Variants in MPPED2 observed in about 807,000 individuals in gnomAD.
MPPED2 encodes the protein metallophosphoesterase MPPED2.
Under a neutral mutation model 33.0 loss-of-function variants are expected in MPPED2, and 5 were observed. That is an observed-to-expected ratio of 0.15 (90% CI 0.08 to 0.32). The LOEUF is 0.32. Among genes scored for constraint, MPPED2 ranks in the 10% least tolerant of loss-of-function variants. The pLI is 1.00. For missense variants in MPPED2, 275 were observed against 372.1 expected, an observed-to-expected ratio of 0.74 and a Z score of 2.15; for synonymous variants, 136 against 141.9, an observed-to-expected ratio of 0.96 and a Z score of 0.29.
At chr11:30,479,922 T>C (rs1382070437) in intron 4 of MPPED2, among the ~76,000 whole-genome samples, 4 of 152,200 alleles carry the variant, frequency 2.6e-5, no homozygotes, top group Non-Finnish European at 5.9e-5. Flanking sequence ...TAGGGCCTCT[T>C]TGGGGGAAGG....
intron 3 of MPPED2, among the ~76,000 whole-genome samples, chr11:30,499,098 A>G (rs2134231980): frequency 6.6e-6 from 1 of 152,214 alleles, no homozygotes; most frequent in East Asian, 1.9e-4. Context: ...AGCCATCACA[A>G]AATTTGTCCA....
chr11:30,580,508 A>C lies in MPPED2; in HGVS notation c.-121-14T>G. ...CGCTGTGCATTTCTGAAAGAAAAAA[A>C]AAATGTATATAAAATGAGAACAAAG... On this transcript the variant is annotated splice_polypyrimidine_tract_variant and intron_variant, in intron 1 of 6. Coordinates refer to ENST00000358117, the MANE Select transcript of MPPED2 (RefSeq NM_001584.3). 1 of 1,427,090 alleles carries C rather than the reference A, an allele frequency of 7.0e-7. No individual in the cohort carries two copies. Among genetic ancestry groups the C allele is most frequent in the Non-Finnish European group, 9.2e-7 (1 of 1,086,314 alleles). The allele number at this position is 1,427,090 out of a possible 1,614,324, so 88.4% of individuals were successfully genotyped here.
intron 2 of MPPED2, among the ~76,000 whole-genome samples, chr11:30,539,526 G>A (rs542284541): frequency 5.3e-5 from 8 of 152,236 alleles, no homozygotes; most frequent in African/African-American, 1.4e-4. Context: ...GGGGCATCTC[G>A]TTCAATGTTT....
chr11:30,559,399 A>G lies in MPPED2; in HGVS notation c.128+20847T>C, dbSNP rs966000157. On this transcript the variant is annotated intron_variant, in intron 2 of 6. Transcript: ENST00000358117. ...AATATTATTTTGCAAACTAAAACAA[A>G]AAAATGATCTTTAAAACCATAGTTA... Among the ~76,000 whole-genome samples the G allele has an allele frequency of 2.6e-5, 4 of 152,354 alleles. No homozygotes were observed. In the East Asian group the frequency reaches 5.8e-4, roughly 22 times the overall value.
rs547180469 is a variant in MPPED2 at position 30,518,752 on chromosome 11, A to T, written c.310+17242T>A. ...TGGATAAGAAGGCTTTAACTGGACT[A>T]GGAGCTGCGTATGCACAGGACTGTG... On this transcript the variant is annotated intron_variant, in intron 3 of 6. Coordinates refer to ENST00000358117, the MANE Select transcript of MPPED2 (RefSeq NM_001584.3). Among the ~76,000 whole-genome samples the T allele has an allele frequency of 4.6e-5, 7 of 152,334 alleles. No individual in the cohort carries two copies. The East Asian group carries it at 1.2e-3, about 25-fold the overall frequency.
chr11:30,452,512 C>T lies in MPPED2; in HGVS notation c.537-34879G>A, dbSNP rs185112173. Reference sequence around the variant, plus strand: ...CATCAGTATTTCTCTTGAGGTTTTTCGCATCAAAATCACTGCAGTGTTTGT... The same window carrying T: ...CATCAGTATTTCTCTTGAGGTTTTTTGCATCAAAATCACTGCAGTGTTTGT... On this transcript the variant is annotated intron_variant, in intron 4 of 6. Transcript: ENST00000358117. Among the ~76,000 whole-genome samples, 30 of 152,252 alleles carry T rather than the reference C, an allele frequency of 2.0e-4. No individual in the cohort carries two copies. The East Asian group carries it at 3.7e-3, about 19-fold the overall frequency.
intron 3 of MPPED2, among the ~76,000 whole-genome samples, chr11:30,507,691 T>C (rs1952916849): frequency 6.6e-6 from 1 of 152,122 alleles, no homozygotes; most frequent in South Asian, 2.1e-4. Flanking sequence ...CTATAAGAGC[T>C]ACCCTGAATC....
chr11:30,465,540 C>T (rs1950672155), intron 4 of MPPED2, among the ~76,000 whole-genome samples: 1 of 152,228 alleles, frequency 6.6e-6, no homozygotes, highest in Non-Finnish European at 1.5e-5. Context: ...AATCCGCTCA[C>T]CTGGGTGGGC....
intron 4 of MPPED2, chr11:30,441,152 A>C (rs1949554103): frequency 6.6e-6 from 1 of 152,146 alleles, no homozygotes; most frequent in Non-Finnish European, 1.5e-5. Flanking sequence ...ATTTTTCCAC[A>C]TCTAGGAAGG....
At chr11:30,458,629 A>T (rs935151415) in intron 4 of MPPED2, among the ~76,000 whole-genome samples, 2 of 152,178 alleles carry the variant, frequency 1.3e-5, no homozygotes, top group African/African-American at 4.8e-5. Flanking sequence ...TACGCCACCA[A>T]CCCAAACACC....
chr11:30,509,938 G>A (rs1472413764), intron 3 of MPPED2, among the ~76,000 whole-genome samples: 1 of 152,116 alleles, frequency 6.6e-6, no homozygotes, highest in African/African-American at 2.4e-5. Context: ...TAATCACCGG[G>A]TCAGAGATTT....
chr11:30,585,339 C>G (rs1957411441), intron 1 of MPPED2, among the ~76,000 whole-genome samples: 1 of 151,886 alleles, frequency 6.6e-6, no homozygotes. Context: ...GAGGTTGGGG[C>G]GCGGGGACGG....
chr11:30,486,795 C>G (rs1951762220), intron 4 of MPPED2, among the ~76,000 whole-genome samples: 1 of 152,190 alleles, frequency 6.6e-6, no homozygotes, highest in Admixed American at 6.5e-5. Flanking sequence ...CTTGTTAACA[C>G]ATGTTATTAA....
rs75146907 is a variant in MPPED2 at position 30,479,932 on chromosome 11, G to C, written c.536+15364C>G. On this transcript the variant is annotated intron_variant, in intron 4 of 6. Coordinates refer to ENST00000358117, the MANE Select transcript of MPPED2 (RefSeq NM_001584.3). ...GTAAATAGGGCCTCTTTGGGGGAAG[G>C]TAATCCTAATTATGTGGCAAGCTAC... is the stretch of plus-strand genomic sequence containing the variant. Among the ~76,000 whole-genome samples the C allele has an allele frequency of 0.013, 2,052 of 152,194 alleles. 133 individuals carry two copies. The East Asian group carries it at 0.21, about 16-fold the overall frequency.
chr11:30,524,549 G>A (rs2134400018), intron 3 of MPPED2, among the ~76,000 whole-genome samples: 1 of 152,330 alleles, frequency 6.6e-6, no homozygotes, highest in East Asian at 1.9e-4. Context: ...ACCAGCCTCA[G>A]AGTGTTGTGA....
At chr11:30,559,435 CAT>C (rs1285038851) in intron 2 of MPPED2, among the ~76,000 whole-genome samples, 2 of 152,180 alleles carry the variant, frequency 1.3e-5, no homozygotes, top group South Asian at 2.1e-4. Flanking sequence ...ATTGTGATCA[CAT>C]GAGTATTTTG....
intron 4 of MPPED2, among the ~76,000 whole-genome samples, chr11:30,466,318 G>T (rs767781844): frequency 6.6e-6 from 1 of 152,194 alleles, no homozygotes; most frequent in Non-Finnish European, 1.5e-5. Flanking sequence ...ATTCAATCTA[G>T]GAATTAATAT....
chr11:30,544,252 T>A (rs1336000463), intron 2 of MPPED2, among the ~76,000 whole-genome samples: 3 of 152,178 alleles, frequency 2.0e-5, no homozygotes, highest in Non-Finnish European at 4.4e-5. Flanking sequence ...AGATGTATTG[T>A]CCAGGGTTAA....
At chr11:30,516,645 G>T (rs1041000157) in intron 3 of MPPED2, among the ~76,000 whole-genome samples, 3 of 152,088 alleles carry the variant, frequency 2.0e-5, no homozygotes, top group Non-Finnish European at 2.9e-5. Context: ...TGTCAGTCTT[G>T]CATTAACATA....
Sources: allele counts gnomAD v4.1 joint callset (sites outside exome capture counted in the v4.1 genomes callset), GRCh38; gene constraint gnomAD v4.1.1; transcripts MANE v1.5; gene names NCBI Gene and HGNC (gene_info 2026-07-23, HGNC 2026-07-21).